Variants in ASIC2 observed in about 807,000 individuals in gnomAD.
The protein encoded by ASIC2 is acid-sensing ion channel 2.
Under a neutral mutation model 57.3 loss-of-function variants are expected in ASIC2, and 25 were observed. The observed-to-expected ratio is 0.44, with a 90% confidence interval of 0.32 to 0.61. The LOEUF (loss-of-function observed/expected upper bound fraction) is 0.61, where lower values mean the gene tolerates loss of function less well. ASIC2 is among the 20% of genes least tolerant of loss of function. The pLI, the probability that ASIC2 is intolerant of heterozygous loss-of-function variation, is 0.06. For missense variants in ASIC2, 641 were observed against 738.1 expected, an observed-to-expected ratio of 0.87 and a Z score of 1.52; for synonymous variants, 319 against 307.5, an observed-to-expected ratio of 1.04 and a Z score of -0.39.
rs138421518 is a variant in ASIC2, at chr17:34,103,014, GAA to G, written c.555+52962_555+52963del. On this transcript the variant is annotated intron_variant, in intron 1 of 9. Transcript: ENST00000359872. ...TAAATTGTCATTTTATTGTTGAGTTGAAAGAGTTCTTTACACATTCTGAATAG... is the reference window on the plus strand; with the variant it reads ...TAAATTGTCATTTTATTGTTGAGTTGAGAGTTCTTTACACATTCTGAATAG... 2.0e-4 allele frequency among the ~76,000 whole-genome samples: 31 copies of G among 152,296 alleles called. No homozygotes were observed. The East Asian group carries it at 6.0e-3, about 29-fold the overall frequency.
chr17:33,685,520 C>T lies in ASIC2; in HGVS notation c.555+470458G>A, dbSNP rs73280951. Among the ~76,000 whole-genome samples the T allele has an allele frequency of 5.8e-3, 878 of 152,264 alleles. 11 individuals are homozygous for T. Among genetic ancestry groups the T allele is most frequent in the African/African-American group, 0.02 (834 of 41,552 alleles). On this transcript the variant is annotated intron_variant, in intron 1 of 9. Transcript: ENST00000359872. The stretch of plus-strand genomic sequence containing the variant: ...TCCTTGATAGGGGATGATTGGGGAC[C>T]ATGTTTCCAATCAAGGAGTGACTAG...
chr17:34,069,259 CCTTTT>C (rs1470160267), intron 1 of ASIC2: 2 of 142,540 alleles, frequency 1.4e-5, no homozygotes, highest in Admixed American at 7.2e-5. Context: ...TTATTCCTTT[CCTTTT>C]CCTTTCTTCC....
intron 1 of ASIC2, among the ~76,000 whole-genome samples, chr17:33,300,850 A>T (rs1905928447): frequency 6.6e-6 from 1 of 152,212 alleles, no homozygotes; most frequent in South Asian, 2.1e-4. Context: ...TAACTAAGAT[A>T]GGAAATTGAG....
chr17:33,179,399 T>A (rs559641932), intron 1 of ASIC2, among the ~76,000 whole-genome samples: 1 of 152,302 alleles, frequency 6.6e-6, no homozygotes, highest in Non-Finnish European at 1.5e-5. Context: ...TTACTGTCAG[T>A]CAGCCGGCAT....
intron 1 of ASIC2, among the ~76,000 whole-genome samples, chr17:33,725,476 C>G (rs1026629305): frequency 1.3e-5 from 2 of 151,970 alleles, no homozygotes; most frequent in Non-Finnish European, 2.9e-5. Flanking sequence ...TCCGTCCCAG[C>G]TCTATTACTT....
chr17:34,047,289 A>G (rs4795849), intron 1 of ASIC2, among the ~76,000 whole-genome samples: 19,829 of 151,992 alleles, frequency 0.13, 1,368 homozygotes, highest in South Asian at 0.19. Flanking sequence ...CAAATCATAC[A>G]TTAATGAACA....
intron 1 of ASIC2, among the ~76,000 whole-genome samples, chr17:33,531,052 A>T (rs1233195928): frequency 1.4e-5 from 2 of 146,258 alleles, no homozygotes; most frequent in Admixed American, 1.4e-4. Flanking sequence ...TTAATTACTA[A>T]TTTTTAACTT....
chr17:33,703,719 G>A (rs192297737), intron 1 of ASIC2, among the ~76,000 whole-genome samples: 1 of 152,232 alleles, frequency 6.6e-6, no homozygotes. Context: ...ACATTCAGGG[G>A]AGAGAACCTG....
chr17:33,512,554 A>G (rs1205910080), intron 1 of ASIC2, among the ~76,000 whole-genome samples: 1 of 152,236 alleles, frequency 6.6e-6, no homozygotes, highest in Non-Finnish European at 1.5e-5. Context: ...GGAGAATAAG[A>G]AGATGAATGA....
intron 1 of ASIC2, among the ~76,000 whole-genome samples, chr17:33,769,871 G>C (rs1303261312): frequency 6.6e-6 from 1 of 152,160 alleles, no homozygotes; most frequent in Non-Finnish European, 1.5e-5. Context: ...AAGAGCAGAG[G>C]GAGAAAACCC....
At chr17:33,110,043 G>A (rs1467783612) in intron 2 of ASIC2, among the ~76,000 whole-genome samples, 1 of 138,698 alleles carries the variant, frequency 7.2e-6, no homozygotes, top group Non-Finnish European at 1.6e-5. Context: ...GAGTGCATGT[G>A]TGTGTCTGTG....
At chr17:33,747,028 A>T (rs1444088870) in intron 1 of ASIC2, among the ~76,000 whole-genome samples, 1 of 152,168 alleles carries the variant, frequency 6.6e-6, no homozygotes, top group Non-Finnish European at 1.5e-5. Flanking sequence ...AGACTTGACA[A>T]CGATGTTCTC....
chr17:33,102,790 A>G (rs989102934), intron 2 of ASIC2, among the ~76,000 whole-genome samples: 6 of 151,884 alleles, frequency 4.0e-5, no homozygotes, highest in Admixed American at 1.3e-4. Context: ...TTGTTTATTT[A>G]TTTATTTATT....
intron 1 of ASIC2, among the ~76,000 whole-genome samples, chr17:33,336,468 G>A (rs1454293780): frequency 1.3e-5 from 2 of 152,020 alleles, no homozygotes; most frequent in Non-Finnish European, 2.9e-5. Flanking sequence ...TGAGACAAGT[G>A]CCTTCCTCGC....
intron 1 of ASIC2, among the ~76,000 whole-genome samples, chr17:33,909,980 C>T (rs1158603191): frequency 2.0e-5 from 3 of 152,098 alleles, no homozygotes; most frequent in Non-Finnish European, 4.4e-5. Flanking sequence ...TTTCTGCAGA[C>T]CTCAGTCTCT....
intron 1 of ASIC2, among the ~76,000 whole-genome samples, chr17:33,514,487 G>A (rs534986589): frequency 6.6e-6 from 1 of 152,260 alleles, no homozygotes; most frequent in South Asian, 2.1e-4. Flanking sequence ...CAAAGGGGAG[G>A]GGATTGTAGA....
chr17:33,180,653 C>T (rs1488532291), intron 1 of ASIC2, among the ~76,000 whole-genome samples: 3 of 152,188 alleles, frequency 2.0e-5, no homozygotes, highest in African/African-American at 7.2e-5. Context: ...TGCTGACTTA[C>T]TGAAAAAATT....
intron 1 of ASIC2, among the ~76,000 whole-genome samples, chr17:33,306,564 C>T (rs1938593340): frequency 6.6e-6 from 1 of 152,168 alleles, no homozygotes; most frequent in Admixed American, 6.5e-5. Context: ...TCCCACATTC[C>T]ATCCATCACC....
chr17:34,143,613 T>A (rs1413109093), intron 1 of ASIC2, among the ~76,000 whole-genome samples: 2 of 152,230 alleles, frequency 1.3e-5, no homozygotes, highest in Admixed American at 6.5e-5. Context: ...TTTCTTTTGA[T>A]GAATATTCAG....
Sources: gnomAD v4.1 joint callset for allele counts (sites outside exome capture counted in the v4.1 genomes callset) on GRCh38, gnomAD v4.1.1 for gene constraint, MANE v1.5 for transcripts, NCBI Gene and HGNC (gene_info 2026-07-23, HGNC 2026-07-21) for gene names.